RBKS: variants seen among roughly 807,000 people sequenced by gnomAD.
The protein encoded by RBKS is ribokinase.
Under a neutral mutation model 33.9 loss-of-function variants are expected in RBKS, and 33 were observed. That is an observed-to-expected ratio of 0.97 (90% CI 0.74 to 1.30). The LOEUF (loss-of-function observed/expected upper bound fraction) is 1.30, where lower values mean the gene tolerates loss of function less well. Ranked by LOEUF, RBKS falls within the 50% of genes most tolerant of loss-of-function variation. RBKS has a pLI of 0.00. For missense variants in RBKS, 361 were observed against 392.6 expected (o/e 0.92, Z 0.68); for synonymous variants, 125 against 143.0 (o/e 0.87, Z 0.90).
chr2:27,876,149 G>T (rs1444265433), intron 1 of RBKS, among the ~76,000 whole-genome samples: 1 of 152,142 alleles, frequency 6.6e-6, no homozygotes, highest in Non-Finnish European at 1.5e-5. Context: ...ATACTCAAAA[G>T]AACTGAAAAC....
At chr2:27,801,962 AAATAT>A (rs1241818257) in intron 7 of RBKS, among the ~76,000 whole-genome samples, 7 of 61,128 alleles carry the variant, frequency 1.1e-4, no homozygotes, top group African/African-American at 3.9e-4. Context: ...AAAAAAAAAA[AAATAT>A]ATATATATAT....
chr2:27,841,451 C>G (rs1052523188), intron 5 of RBKS, among the ~76,000 whole-genome samples: 3 of 152,086 alleles, frequency 2.0e-5, no homozygotes, highest in African/African-American at 7.2e-5. Flanking sequence ...GGGCACGGTG[C>G]AGAGAATGCG....
chr2:27,830,618 G>A (rs1347523513), intron 6 of RBKS, among the ~76,000 whole-genome samples: 3 of 151,572 alleles, frequency 2.0e-5, no homozygotes, highest in Admixed American at 6.6e-5. Context: ...TCTGAGACCA[G>A]TTTCCTTAAA....
At chr2:27,861,883 GATC>G (rs956238004) in intron 1 of RBKS, among the ~76,000 whole-genome samples, 11 of 151,078 alleles carry the variant, frequency 7.3e-5, no homozygotes, top group African/African-American at 2.7e-4. Context: ...TTGAACTCCT[GATC>G]CCCCTGCTTC....
At chr2:27,878,304 G>C (rs1469184743) in intron 1 of RBKS, among the ~76,000 whole-genome samples, 1 of 151,726 alleles carries the variant, frequency 6.6e-6, no homozygotes, top group Admixed American at 6.6e-5. Flanking sequence ...TCTTGCGATA[G>C]TTTACTGAGA....
chr2:27,842,257 GGAGT>G (rs1162910085), intron 5 of RBKS, among the ~76,000 whole-genome samples: 1 of 152,138 alleles, frequency 6.6e-6, no homozygotes, highest in Non-Finnish European at 1.5e-5. Context: ...TGAGAAAAGA[GGAGT>G]GAGTGGGAGA....
rs1677606257 is a variant in RBKS, at chr2:27,794,566, A to T, written c.796-12778T>A. Among the ~76,000 whole-genome samples the T allele has an allele frequency of 2.0e-5, 3 of 151,368 alleles. No individual in the cohort carries two copies. In the South Asian group the frequency reaches 6.2e-4, roughly 32 times the overall value. On this transcript the variant is annotated intron_variant, in intron 7 of 7. Coordinates refer to ENST00000302188, the MANE Select transcript of RBKS (RefSeq NM_022128.3). Reference sequence around the variant, plus strand: ...AGTTTCCGTTGTAACCATGAACTAGACAATGACACCCCCATGAAACAATGA... The same window carrying T: ...AGTTTCCGTTGTAACCATGAACTAGTCAATGACACCCCCATGAAACAATGA...
At chr2:27,869,724 TC>T in intron 1 of RBKS, 1 of 186,598 alleles carries the variant, frequency 5.4e-6, no homozygotes, top group Non-Finnish European at 1.1e-5. Flanking sequence ...GAGCTTGTTT[TC>T]CTGCAACTAG....
chr2:27,801,987 TA>T (rs1677803172), intron 7 of RBKS, among the ~76,000 whole-genome samples: 2 of 97,142 alleles, frequency 2.1e-5, no homozygotes, highest in African/African-American at 9.3e-5. Context: ...TATATATATA[TA>T]TATATTTTTT....
chr2:27,865,842 C>T (rs1021089616), intron 1 of RBKS, among the ~76,000 whole-genome samples: 2 of 152,146 alleles, frequency 1.3e-5, no homozygotes, highest in African/African-American at 4.8e-5. Context: ...TTTACATATT[C>T]TTCCATTTCC....
intron 4 of RBKS, 85 bp downstream of exon 4, chr2:27,846,957 G>C: frequency 3.2e-6 from 3 of 933,920 alleles, no homozygotes. Context: ...AGGTCCATAG[G>C]ATTATGGTAA....
intron 1 of RBKS, among the ~76,000 whole-genome samples, chr2:27,884,255 ATTTTT>A (rs1322764591): frequency 6.6e-6 from 1 of 152,024 alleles, no homozygotes; most frequent in Non-Finnish European, 1.5e-5. Flanking sequence ...ACTCTCTTTT[ATTTTT>A]TTATGTTTAA....
At chr2:27,806,558 A>C (rs1427585587) in intron 7 of RBKS, among the ~76,000 whole-genome samples, 1 of 152,226 alleles carries the variant, frequency 6.6e-6, no homozygotes, top group Non-Finnish European at 1.5e-5. Flanking sequence ...AACCAAGTGT[A>C]AGAACTTGCT....
chr2:27,863,748 C>G (rs1023941535), intron 1 of RBKS, among the ~76,000 whole-genome samples: 12 of 152,194 alleles, frequency 7.9e-5, no homozygotes, highest in African/African-American at 2.7e-4. Flanking sequence ...AATTATTACC[C>G]AATTAAAATT....
chr2:27,888,953 G>C (rs1664626551), intron 1 of RBKS, among the ~76,000 whole-genome samples: 1 of 152,202 alleles, frequency 6.6e-6, no homozygotes, highest in Non-Finnish European at 1.5e-5. Flanking sequence ...GTCACCAAAG[G>C]AAAGTATTTT....
chr2:27,801,569 G>C (rs893597517), intron 7 of RBKS, among the ~76,000 whole-genome samples: 5 of 151,852 alleles, frequency 3.3e-5, no homozygotes, highest in African/African-American at 9.7e-5. Flanking sequence ...GTGTGAAAGT[G>C]ATACATATTC....
chr2:27,845,124 C>T (rs899599316), intron 4 of RBKS, among the ~76,000 whole-genome samples: 1 of 152,238 alleles, frequency 6.6e-6, no homozygotes, highest in Non-Finnish European at 1.5e-5. Flanking sequence ...TCAGTGACCT[C>T]ATTTTCTCTG....
chr2:27,803,777 T>C (rs1309551127), intron 7 of RBKS, among the ~76,000 whole-genome samples: 4 of 151,740 alleles, frequency 2.6e-5, no homozygotes, highest in Non-Finnish European at 5.9e-5. Context: ...CCAGGTGCGG[T>C]GACTCACGCC....
At chr2:27,824,897 G>A (rs1678282342) in intron 7 of RBKS, among the ~76,000 whole-genome samples, 1 of 152,162 alleles carries the variant, frequency 6.6e-6, no homozygotes, top group Non-Finnish European at 1.5e-5. Flanking sequence ...AGCACTCTAG[G>A]AGGCTGAAGT....
Sources: allele counts gnomAD v4.1 joint callset (sites outside exome capture counted in the v4.1 genomes callset), GRCh38; gene constraint gnomAD v4.1.1; transcripts MANE v1.5; gene names NCBI Gene and HGNC (gene_info 2026-07-23, HGNC 2026-07-21).